The following PRDM7 variants were observed in gnomAD, a reference collection of about 807,000 sequenced individuals.
PRDM7 encodes the protein histone-lysine N-methyltransferase PRDM7.
PRDM7 carries 52 observed loss-of-function variants against 64.3 expected under a neutral mutation model. That is an observed-to-expected ratio of 0.81 (90% CI 0.65 to 1.02). PRDM7 has a LOEUF of 1.02. Among genes scored for constraint, PRDM7 ranks in the 50% least tolerant of loss-of-function variants. PRDM7 has a pLI of 0.00. For missense variants in PRDM7, 574 were observed against 597.1 expected, an observed-to-expected ratio of 0.96 and a Z score of 0.40; for synonymous variants, 192 against 210.1, an observed-to-expected ratio of 0.91 and a Z score of 0.74.
chr16:90,060,407 C>T lies in PRDM7; in HGVS notation c.1167G>A (p.Met389Ile). 1.2e-6 allele frequency: 2 copies of T among 1,613,900 alleles called. No homozygotes were observed. Among genetic ancestry groups the T allele is most frequent in the Middle Eastern group, 1.7e-4 (1 of 6,056 alleles). ...TTGATGCCCAGTTCCTGGCCATACT[C>T]ATCCCCATACCAGACCAGCAGTTCA... Reference protein sequence around the residue: ...QAVNCWSGMGMSMARNWASSG... With the variant: ...QAVNCWSGMGISMARNWASSG... Residue 389 changes from methionine to isoleucine, a missense_variant, in exon 10 of 11, where the codon ATG (methionine) becomes ATA (isoleucine). Physicochemically the swap from Met to Ile is conservative, Grantham distance 10. Coordinates refer to ENST00000449207, the MANE Select transcript of PRDM7 (RefSeq NM_001098173.2).
Position 90,060,509 on chromosome 16 carries a change from G to C in PRDM7, c.1065C>G (p.Val355=), listed in dbSNP as rs1447238070. ...RVIRPGCELL[V]WSGDEYGQEL... is the part of the protein sequence containing the mutation. ...CCTGGCCATACTCATCCCCAGACCA[G>C]ACCAGCAGTTCACAGCCTGGCCTAA... The change falls in exon 10 of 11, where the codon GTC becomes GTG. Residue 355 remains valine (V), a synonymous_variant. Transcript: ENST00000449207. The C allele has an allele frequency of 6.2e-7, 1 of 1,613,750 alleles. No individual in the cohort carries two copies. Among genetic ancestry groups the C allele is most frequent in the Non-Finnish European group, 8.5e-7 (1 of 1,179,922 alleles).
In PRDM7 at chr16:90,062,094, G is replaced by A. The variant is rs1423254803; in HGVS notation, c.709C>T (p.Arg237Cys). The A allele has an allele frequency of 1.9e-6, 3 of 1,614,250 alleles. No individual in the cohort carries two copies. The highest frequency in any genetic ancestry group is 1.3e-5 in the African/African-American group (1 of 75,072). Residue 237 changes from arginine to cysteine, a missense_variant, in exon 8 of 11, where the codon CGT (arginine) becomes TGT (cysteine). Physicochemically the swap from Arg to Cys is radical, Grantham distance 180 (BLOSUM62 -3). Coordinates refer to ENST00000449207, the MANE Select transcript of PRDM7 (RefSeq NM_001098173.2). ...CCCGGGGGCAGACTGAGGGCTGAAC[G>A]GTTGGGATGCCCCTTGTCCACTGCA... is the stretch of plus-strand genomic sequence containing the variant. ...DSAVDKGHPN[R>C]SALSLPPGLR...
At chr16:90,074,515 G>A (rs1220456069) in intron 4 of PRDM7, among the ~76,000 whole-genome samples, 1 of 151,964 alleles carries the variant, frequency 6.6e-6, no homozygotes, top group African/African-American at 2.4e-5. Context: ...GGTGGAGGCT[G>A]CAGTGAGCCG....
At chr16:90,061,770 A>G in intron 8 of PRDM7, 151 bp downstream of exon 8, 1 of 1,310,522 alleles carries the variant, frequency 7.6e-7, no homozygotes, top group African/African-American at 1.5e-5. Context: ...ATCTCTAAAT[A>G]GGAGTTCCAT....
At chr16:90,065,696 T>C (rs1211432159) in intron 5 of PRDM7, among the ~76,000 whole-genome samples, 1 of 151,288 alleles carries the variant, frequency 6.6e-6, no homozygotes. Flanking sequence ...GATTGAGCCA[T>C]TGCACTGCAG....
intron 4 of PRDM7, among the ~76,000 whole-genome samples, chr16:90,069,801 C>A (rs2037930306): frequency 6.6e-6 from 1 of 151,000 alleles, no homozygotes; most frequent in Non-Finnish European, 1.5e-5. Context: ...TGGGTGTAAT[C>A]CCAGCACTTT....
chr16:90,065,868 A>T (rs115211190), intron 5 of PRDM7, among the ~76,000 whole-genome samples: 2,266 of 151,372 alleles, frequency 0.015, 196 homozygotes, highest in African/African-American at 0.054. Flanking sequence ...TTTAATTCAT[A>T]AGCTTGGAAT....
At chr16:90,070,448 C>T (rs1459363874) in intron 4 of PRDM7, among the ~76,000 whole-genome samples, 21 of 150,964 alleles carry the variant, frequency 1.4e-4, no homozygotes, top group Non-Finnish European at 2.7e-4. Flanking sequence ...CAAAAATTAG[C>T]TGATGTGCCC....
chr16:90,076,417 G>A (rs1168634804), intron 1 of PRDM7, among the ~76,000 whole-genome samples: 3 of 151,274 alleles, frequency 2.0e-5, no homozygotes, highest in African/African-American at 7.3e-5. Flanking sequence ...TGCATAGACA[G>A]GATTTGGGGA....
At chr16:90,069,440 G>C (rs1302033958) in intron 4 of PRDM7, among the ~76,000 whole-genome samples, 2 of 151,332 alleles carry the variant, frequency 1.3e-5, no homozygotes, top group African/African-American at 2.5e-5. Context: ...TCATGACATT[G>C]AAATGAACAA....
rs930060437 is a variant in PRDM7, at chr16:90,056,917, C to A, written c.*1372G>T. On this transcript the variant is annotated 3_prime_UTR_variant, in exon 11 of 11. Transcript: ENST00000449207. ...CTTGGTTTCAGGTCTGGTTCCTAGG[C>A]GCCAGGCTACCTGCCTTTAGTTTTG... The A allele has an allele frequency of 6.6e-6, 1 of 152,198 alleles. No homozygotes were observed. The highest frequency in any genetic ancestry group is 6.5e-5 in the Admixed American group (1 of 15,268). 9.4% of individuals were successfully genotyped at this position (152,198 alleles called of 1,614,324 possible).
In PRDM7 at chr16:90,064,885, A is replaced by ATT. The variant is rs532755256; in HGVS notation, c.352-1119_352-1118dup. Among the ~76,000 whole-genome samples the ATT allele has an allele frequency of 1.0e-3, 152 of 150,252 alleles. 3 individuals are homozygous for ATT. Among genetic ancestry groups the ATT allele is most frequent in the Non-Finnish European group, 1.3e-3 (86 of 67,824 alleles). On this transcript the variant is annotated intron_variant, in intron 5 of 10. Coordinates refer to ENST00000449207, the MANE Select transcript of PRDM7 (RefSeq NM_001098173.2). ...AGGTGTCCACCACCATGCCCAGCTG[A>ATT]TTTTTGTAGTTTTAGTAGAGATGGG...
At chr16:90,060,706 A>G in intron 9 of PRDM7, 83 bp from the exon 10 acceptor site, 1 of 1,570,694 alleles carries the variant, frequency 6.4e-7, no homozygotes, top group Non-Finnish European at 8.8e-7. Flanking sequence ...TCCTGCCTAG[A>G]ATGCTTCCCT....
chr16:90,066,023 A>G (rs2037867727), intron 5 of PRDM7, among the ~76,000 whole-genome samples: 1 of 151,316 alleles, frequency 6.6e-6, no homozygotes, highest in South Asian at 2.1e-4. Context: ...TCCAAATAAC[A>G]TGACAGTTCC....
In PRDM7 at chr16:90,062,479, C is replaced by T; in HGVS notation, c.532G>A (p.Gly178Arg). 1 of 1,614,036 alleles carries T rather than the reference C, an allele frequency of 6.2e-7. No homozygotes were observed. Among genetic ancestry groups the T allele is most frequent in the Non-Finnish European group, 8.5e-7 (1 of 1,179,940 alleles). The change falls in exon 7 of 11, where the codon GGA (glycine) becomes AGA (arginine). Residue 178 changes from glycine (G) to arginine (R), a missense_variant. By Grantham distance (125) the Gly-to-Arg change is moderately radical. Coordinates refer to ENST00000449207, the MANE Select transcript of PRDM7 (RefSeq NM_001098173.2). ...KLELRRKETE[G>R]KMYSLRERKG... ...CTTTCTCGCAGGCTATACATCTTTC[C>T]TTCAGTCTCCTTCCTCCTGAGTTCT...
intron 4 of PRDM7, among the ~76,000 whole-genome samples, chr16:90,070,735 A>G (rs1259128240): frequency 7.0e-6 from 1 of 143,738 alleles, no homozygotes; most frequent in Non-Finnish European, 1.5e-5. Context: ...CTGGAACCCA[A>G]CCATGCTGGC....
chr16:90,062,602 A>G, intron 6 of PRDM7, 100 bp from the exon 7 acceptor site: 2 of 1,033,722 alleles, frequency 1.9e-6, no homozygotes, highest in Non-Finnish European at 3.0e-6. Flanking sequence ...ATTAGCATCT[A>G]CCTTTCTACA....
chr16:90,062,608 C>G (rs1398371043), intron 6 of PRDM7, 106 bp from the exon 7 acceptor site: 14 of 992,734 alleles, frequency 1.4e-5, no homozygotes, highest in Non-Finnish European at 1.8e-5. Flanking sequence ...ATCTACCTTT[C>G]TACATACTCT....
At position 90,057,717 on chromosome 16, in the gene PRDM7, C is replaced by T. The variant is rs561609329; in HGVS notation, c.*572G>A. On this transcript the variant is annotated 3_prime_UTR_variant, in exon 11 of 11. Coordinates refer to ENST00000449207, the MANE Select transcript of PRDM7 (RefSeq NM_001098173.2). ...GTTATTTCCGATCTCTTTACACTCTCGGGGAATGTAAGGGGTTAGCAGACT... is the reference window on the plus strand; with the variant it reads ...GTTATTTCCGATCTCTTTACACTCTTGGGGAATGTAAGGGGTTAGCAGACT... 16 of 1,234,178 alleles carry T rather than the reference C, an allele frequency of 1.3e-5. No homozygotes were observed. Among genetic ancestry groups the T allele is most frequent in the African/African-American group, 7.9e-5 (5 of 63,508 alleles). The allele number at this position is 1,234,178 out of a possible 1,614,324, so 76.5% of individuals were successfully genotyped here.
Sources: gnomAD v4.1 joint callset for allele counts (sites outside exome capture counted in the v4.1 genomes callset) on GRCh38, gnomAD v4.1.1 for gene constraint, MANE v1.5 for transcripts, NCBI Gene and HGNC (gene_info 2026-07-23, HGNC 2026-07-21) for gene names.